Variants in PHF8 observed in about 807,000 individuals in gnomAD.
The protein encoded by PHF8 is PHD finger protein 8, also known as histone lysine demethylase PHF8.
In PHF8, 9 loss-of-function variants were observed where a neutral mutation model predicts 74.4. That is an observed-to-expected ratio of 0.12 (90% CI 0.07 to 0.21). The LOEUF (loss-of-function observed/expected upper bound fraction) is 0.21. Among genes scored for constraint, PHF8 ranks in the 10% least tolerant of loss-of-function variants. The pLI, the probability that PHF8 is intolerant of heterozygous loss-of-function variation, is 1.00. For missense variants in PHF8, 478 were observed against 816.6 expected (o/e 0.59, Z 5.05); for synonymous variants, 311 against 316.6 (o/e 0.98, Z 0.19).
At chrX:54,043,705 T>C (rs2066602406) in intron 1 of PHF8, 57 bp downstream of exon 1, 26 of 384,127 alleles carry the variant, frequency 6.8e-5, no homozygotes, top group Non-Finnish European at 8.6e-5. Flanking sequence ...AATGTTCAGG[T>C]ACCTCACAGT....
intron 18 of PHF8, among the ~76,000 whole-genome samples, chrX:53,978,285 C>T (rs947180780): frequency 2.7e-5 from 3 of 110,536 alleles, no homozygotes; most frequent in Non-Finnish European, 3.8e-5. Context: ...CTGCCCATAC[C>T]GCCCAGGAAT....
At chrX:54,045,937 TGGTTTAG>T (rs1295269160), upstream of PHF8, among the ~76,000 whole-genome samples, 11 of 30,581 alleles carry the variant, frequency 3.6e-4, no homozygotes, top group South Asian at 0.024. Flanking sequence ...ACCCAGAGGA[TGGTTTAG>T]GGTTTTTTTT....
intron 18 of PHF8, among the ~76,000 whole-genome samples, chrX:53,980,655 A>G (rs2065466063): frequency 8.9e-6 from 1 of 112,491 alleles, no homozygotes; most frequent in African/African-American, 3.2e-5. Flanking sequence ...TAGAACTAAT[A>G]ACAGTATAAT....
intron 18 of PHF8, among the ~76,000 whole-genome samples, chrX:53,968,332 A>G: frequency 8.9e-6 from 1 of 111,994 alleles, no homozygotes; most frequent in Non-Finnish European, 1.9e-5. Context: ...AACTGGGAAG[A>G]AATGGATAAA....
At chrX:53,951,608 G>A (rs1378404762) in intron 19 of PHF8, among the ~76,000 whole-genome samples, 1 of 110,164 alleles carries the variant, frequency 9.1e-6, no homozygotes, top group Non-Finnish European at 1.9e-5. Flanking sequence ...CCGCCACCAC[G>A]CCCGGCTAAT....
chrX:53,993,090 G>A (rs1289180795), intron 13 of PHF8: 2 of 384,604 alleles, frequency 5.2e-6, no homozygotes, highest in Non-Finnish European at 9.2e-6. Flanking sequence ...ATCTTCAGAT[G>A]CCCATGGAGA....
chrX:54,001,152 C>A (rs1449377568), intron 10 of PHF8, among the ~76,000 whole-genome samples: 2 of 110,735 alleles, frequency 1.8e-5, no homozygotes, highest in African/African-American at 6.6e-5. Context: ...ATGGTGAAAC[C>A]CCGTCTCTAC....
chrX:53,962,979 T>C (rs2065127115), intron 18 of PHF8, 40 bp from the exon 19 acceptor site: 4 of 834,747 alleles, frequency 4.8e-6, no homozygotes, highest in South Asian at 2.0e-5. Flanking sequence ...TGAGATTTCA[T>C]CCAAAGGGTG....
At chrX:53,992,879 TC>T in intron 13 of PHF8, 40 bp from the exon 14 acceptor site, 1 of 917,434 alleles carries the variant, frequency 1.1e-6, no homozygotes, top group Non-Finnish European at 1.6e-6. Flanking sequence ...TGTCTGGGAC[TC>T]CCATGGGAAT....
Position 54,043,847 on chromosome X carries a change from G to A in PHF8, c.-178C>T, listed in dbSNP as rs1194793652. 4.0e-6 allele frequency: 3 copies of A among 753,519 alleles called. No individual in the cohort carries two copies. The highest frequency in any genetic ancestry group is 4.7e-6 in the Non-Finnish European group (3 of 638,335). 62.1% of individuals were successfully genotyped at this position (753,519 alleles called of 1,213,427 possible). Reference sequence around the variant, plus strand: ...CGTCTTCAGTCCAGAATCCTACAGGGACCTCCTCATGCTTTGGGCTGCAAG... The same window carrying A: ...CGTCTTCAGTCCAGAATCCTACAGGAACCTCCTCATGCTTTGGGCTGCAAG... On this transcript the variant is annotated 5_prime_UTR_variant, in exon 1 of 22. Coordinates refer to ENST00000338154, the MANE Select transcript of PHF8 (RefSeq NM_015107.3).
intron 19 of PHF8, among the ~76,000 whole-genome samples, chrX:53,948,247 T>TA (rs1291757498): frequency 3.5e-4 from 39 of 111,689 alleles, no homozygotes; most frequent in Non-Finnish European, 6.4e-4. Context: ...TTGGTAAGTA[T>TA]AAAAAAAAGT....
chrX:53,972,014 G>A (rs2065299739), intron 18 of PHF8, among the ~76,000 whole-genome samples: 1 of 111,115 alleles, frequency 9.0e-6, no homozygotes, highest in Non-Finnish European at 1.9e-5. Context: ...CCAAAACCTG[G>A]CAGAGATACA....
At chrX:53,972,659 A>G (rs2065313349) in intron 18 of PHF8, among the ~76,000 whole-genome samples, 1 of 111,557 alleles carries the variant, frequency 9.0e-6, no homozygotes. Flanking sequence ...AAATAATAAG[A>G]GCCATATATG....
At chrX:53,957,525 A>C (rs984953212) in intron 19 of PHF8, among the ~76,000 whole-genome samples, 3 of 111,208 alleles carry the variant, frequency 2.7e-5, no homozygotes, top group Non-Finnish European at 3.8e-5. Context: ...TTTCAAAATA[A>C]ATAAAAAACA....
At chrX:54,006,152 G>A (rs2065895003) in intron 8 of PHF8, among the ~76,000 whole-genome samples, 1 of 112,016 alleles carries the variant, frequency 8.9e-6, no homozygotes, top group Admixed American at 9.5e-5. Flanking sequence ...ATGACTAATT[G>A]TAGAAAAATG....
At chrX:53,986,231 A>G (rs782705459) in intron 16 of PHF8, among the ~76,000 whole-genome samples, 39 of 112,813 alleles carry the variant, frequency 3.5e-4, no homozygotes, top group African/African-American at 1.3e-3. Context: ...TCTTTCTGCT[A>G]CATCGCACTG....
intron 18 of PHF8, among the ~76,000 whole-genome samples, chrX:53,973,575 A>AG (rs2065327761): frequency 9.0e-6 from 1 of 111,635 alleles, no homozygotes; most frequent in African/African-American, 3.3e-5. Context: ...GGTGCTGGGG[A>AG]GAACCAGGTA....
chrX:53,949,811 C>CAAAAA (rs11353359), intron 19 of PHF8, among the ~76,000 whole-genome samples: 5 of 24,328 alleles, frequency 2.1e-4, no homozygotes, highest in African/African-American at 2.5e-4. Context: ...GACTCCGTCT[C>CAAAAA]AAAAAAAAAA....
At chrX:54,019,072 A>ATTT (rs2066121452) in intron 4 of PHF8, among the ~76,000 whole-genome samples, 2 of 112,413 alleles carry the variant, frequency 1.8e-5, no homozygotes, top group African/African-American at 6.5e-5. Flanking sequence ...TCTCCAAGAA[A>ATTT]GCTGTTATAA....
Sources: allele counts gnomAD v4.1 joint callset (sites outside exome capture counted in the v4.1 genomes callset), GRCh38; gene constraint gnomAD v4.1.1; transcripts MANE v1.5; gene names NCBI Gene and HGNC (gene_info 2026-07-23, HGNC 2026-07-21).